Variants in PIGL observed in about 807,000 individuals in gnomAD.
PIGL encodes N-acetylglucosaminyl-phosphatidylinositol de-N-acetylase.
Under a neutral mutation model 31.1 loss-of-function variants are expected in PIGL, and 22 were observed. The ratio of observed to expected loss-of-function variants is 0.71; its 90% CI spans 0.51 to 1.01. PIGL has a LOEUF of 1.01. Among genes scored for constraint, PIGL ranks in the 50% least tolerant of loss-of-function variants. PIGL has a pLI of 0.00. For synonymous variants in PIGL, 131 were observed against 117.4 expected, an observed-to-expected ratio of 1.12 and a Z score of -0.75; for missense variants, 302 against 315.9, an observed-to-expected ratio of 0.96 and a Z score of 0.33.
At chr17:16,240,232 A>G (rs1469003176) in intron 2 of PIGL, among the ~76,000 whole-genome samples, 1 of 152,022 alleles carries the variant, frequency 6.6e-6, no homozygotes, top group Non-Finnish European at 1.5e-5. Flanking sequence ...GCCTTCTGCC[A>G]TGATTGGAAG....
intron 2 of PIGL, among the ~76,000 whole-genome samples, chr17:16,267,643 T>G (rs2092850449): frequency 1.3e-5 from 2 of 150,278 alleles, no homozygotes; most frequent in Admixed American, 1.3e-4. Flanking sequence ...TGCAGTGGGC[T>G]ATGATGGTGT....
At chr17:16,312,148 C>T (rs1184176245) in intron 3 of PIGL, among the ~76,000 whole-genome samples, 2 of 148,272 alleles carry the variant, frequency 1.3e-5, no homozygotes, top group Non-Finnish European at 3.0e-5. Context: ...CGCAGCCCCC[C>T]ACCTCCCTCC....
rs546738829 is a variant in PIGL, at chr17:16,266,098, C to T, written c.335+32028C>T. ...AAATCTCAGTGCTGTTTTACATAAC[C>T]TCATTCATCTCCAGAATTAGAATGA... is the stretch of plus-strand genomic sequence containing the variant. On this transcript the variant is annotated intron_variant, in intron 2 of 6. Transcript: ENST00000225609. Among the ~76,000 whole-genome samples, 29 of 152,052 alleles carry T rather than the reference C, an allele frequency of 1.9e-4. No individual in the cohort carries two copies. The South Asian group carries it at 2.3e-3, about 12-fold the overall frequency.
intron 2 of PIGL, among the ~76,000 whole-genome samples, chr17:16,235,792 G>C (rs1412876337): frequency 8.3e-6 from 1 of 120,722 alleles, no homozygotes; most frequent in Non-Finnish European, 1.7e-5. Flanking sequence ...AATCAGATTT[G>C]GGTCTAACTT....
chr17:16,242,644 CTTTTTTTTTTTTTT>C (rs35572629), intron 2 of PIGL, among the ~76,000 whole-genome samples: 7 of 79,044 alleles, frequency 8.9e-5, no homozygotes, highest in Admixed American at 3.6e-4. Flanking sequence ...TTTCTGATTC[CTTTTTTTTTTTTTT>C]TTTTTTTTTT....
intron 2 of PIGL, among the ~76,000 whole-genome samples, chr17:16,244,435 A>G (rs1325048351): frequency 6.6e-6 from 1 of 152,170 alleles, no homozygotes; most frequent in African/African-American, 2.4e-5. Flanking sequence ...GGCAATTTCA[A>G]TATTAGTAAT....
At chr17:16,221,495 G>T (rs1183072114) in intron 1 of PIGL, among the ~76,000 whole-genome samples, 1 of 150,968 alleles carries the variant, frequency 6.6e-6, no homozygotes, top group African/African-American at 2.4e-5. Context: ...TGTCGCCCGG[G>T]CTGGAGTGCA....
Position 16,317,755 on chromosome 17 carries a change from C to T in PIGL, c.527-20C>T, listed in dbSNP as rs767105037. On this transcript the variant is annotated intron_variant, in intron 5 of 6. Transcript: ENST00000225609. The stretch of plus-strand genomic sequence containing the variant: ...GAGGCCTCAAGGCTTATCACTTCAC[C>T]CTGTCTCCTCTCCATCCAGGGTGCT... The T allele has an allele frequency of 1.9e-6, 3 of 1,613,352 alleles. No individual in the cohort carries two copies. The highest frequency in any genetic ancestry group is 2.5e-6 in the Non-Finnish European group (3 of 1,179,944).
chr17:16,325,683 C>CTA (rs1405241269), intron 6 of PIGL, 117 bp from the exon 7 acceptor site: 7 of 766,758 alleles, frequency 9.1e-6, no homozygotes, highest in Admixed American at 6.4e-5. Context: ...ACAGATAAGG[C>CTA]TATAGCATGA....
At chr17:16,224,221 CA>C (rs1012669502) in intron 1 of PIGL, among the ~76,000 whole-genome samples, 9 of 152,226 alleles carry the variant, frequency 5.9e-5, no homozygotes, top group African/African-American at 1.9e-4. Context: ...GACTCCGTCT[CA>C]GGGGGAAAAG....
chr17:16,241,373 G>A (rs2092722653), intron 2 of PIGL, among the ~76,000 whole-genome samples: 1 of 151,734 alleles, frequency 6.6e-6, no homozygotes, highest in African/African-American at 2.4e-5. Flanking sequence ...CGGATCACCT[G>A]AGGTCAGGAG....
At chr17:16,222,712 TAAA>T (rs879455312) in intron 1 of PIGL, among the ~76,000 whole-genome samples, 2 of 139,078 alleles carry the variant, frequency 1.4e-5, no homozygotes, top group African/African-American at 2.6e-5. Context: ...AAGCTGCTAT[TAAA>T]AAAAAAAAAA....
At chr17:16,237,580 C>G (rs1309691218) in intron 2 of PIGL, among the ~76,000 whole-genome samples, 1 of 151,520 alleles carries the variant, frequency 6.6e-6, no homozygotes, top group African/African-American at 2.4e-5. Context: ...GTGGACAGAT[C>G]GCTTGAGCCT....
intron 2 of PIGL, among the ~76,000 whole-genome samples, chr17:16,260,593 A>G (rs2092815226): frequency 1.3e-5 from 2 of 152,116 alleles, no homozygotes; most frequent in Non-Finnish European, 1.5e-5. Flanking sequence ...AGACATTGGG[A>G]TGACCTGCCT....
chr17:16,228,187 G>A (rs560554396), intron 1 of PIGL, among the ~76,000 whole-genome samples: 1 of 150,702 alleles, frequency 6.6e-6, no homozygotes, highest in African/African-American at 2.4e-5. Flanking sequence ...GAATAGCTGG[G>A]ATTACAGGCA....
intron 2 of PIGL, among the ~76,000 whole-genome samples, chr17:16,297,444 A>C (rs2092987194): frequency 6.6e-6 from 1 of 152,206 alleles, no homozygotes; most frequent in South Asian, 2.1e-4. Flanking sequence ...CTATCCTCCT[A>C]TCCTTTCTCT....
intron 2 of PIGL, among the ~76,000 whole-genome samples, chr17:16,241,580 G>A (rs996397470): frequency 2.0e-4 from 30 of 151,198 alleles, no homozygotes; most frequent in African/African-American, 7.0e-4. Context: ...AAAAAAAAAA[G>A]AAAATCTTTG....
In PIGL at chr17:16,237,360, G is replaced by A. The variant is rs142852774; in HGVS notation, c.335+3290G>A. Among the ~76,000 whole-genome samples, 429 of 150,384 alleles carry A rather than the reference G, an allele frequency of 2.9e-3. 3 individuals carry two copies. Among genetic ancestry groups the A allele is most frequent in the African/African-American group, 9.6e-3 (395 of 41,038 alleles). ...TGACCTCAAGTGATCCGCCCTCCTCGGCCTCCCAAAGTGCTGGGATTACAG... is the reference window on the plus strand; with the variant it reads ...TGACCTCAAGTGATCCGCCCTCCTCAGCCTCCCAAAGTGCTGGGATTACAG... On this transcript the variant is annotated intron_variant, in intron 2 of 6. Transcript: ENST00000225609.
At chr17:16,259,317 C>T (rs2142745762) in intron 2 of PIGL, among the ~76,000 whole-genome samples, 1 of 150,138 alleles carries the variant, frequency 6.7e-6, no homozygotes, top group Admixed American at 6.6e-5. Flanking sequence ...TCTACCCTCA[C>T]ATATAGTCAA....
Sources: gnomAD v4.1 joint callset for allele counts (sites outside exome capture counted in the v4.1 genomes callset) on GRCh38, gnomAD v4.1.1 for gene constraint, MANE v1.5 for transcripts, NCBI Gene and HGNC (gene_info 2026-07-23, HGNC 2026-07-21) for gene names.